The following UNC5A variants were observed in gnomAD, a reference collection of about 807,000 sequenced individuals.
UNC5A encodes the protein unc-5 netrin receptor A, also known as netrin receptor UNC5A.
Under a neutral mutation model 87.4 loss-of-function variants are expected in UNC5A, and 20 were observed. The ratio of observed to expected loss-of-function variants is 0.23; its 90% confidence interval spans 0.16 to 0.33. The LOEUF is 0.33. UNC5A is among the 10% of genes least tolerant of loss of function. UNC5A has a pLI of 1.00. For missense variants in UNC5A, 844 were observed against 1,133.4 expected (o/e 0.74, Z 3.67); for synonymous variants, 438 against 482.3 (o/e 0.91, Z 1.20).
chr5:176,844,797 C>T lies in UNC5A; in HGVS notation c.71-17827C>T, dbSNP rs530942901. Among the ~76,000 whole-genome samples the T allele has an allele frequency of 1.3e-5, 2 of 152,316 alleles. No homozygotes were observed. The highest frequency in any genetic ancestry group is 1.3e-4 in the Admixed American group (2 of 15,304). Reference sequence around the variant, plus strand: ...GGCCCAATCACTCACCCCGAGACCCCTCTCCACCCTCCAGCACTGCTTGCA... The same window carrying T: ...GGCCCAATCACTCACCCCGAGACCCTTCTCCACCCTCCAGCACTGCTTGCA... On this transcript the variant is annotated intron_variant, in intron 1 of 14. Transcript: ENST00000329542. The surrounding 1 kb of genome is among the most constrained non-coding windows in gnomAD (Gnocchi z 4.2).
At chr5:176,822,979 T>C (rs1384352421) in intron 1 of UNC5A, among the ~76,000 whole-genome samples, 1 of 151,904 alleles carries the variant, frequency 6.6e-6, no homozygotes, top group Admixed American at 6.6e-5. Context: ...AAGATTAATC[T>C]GGCAGCCCAT....
intron 1 of UNC5A, among the ~76,000 whole-genome samples, chr5:176,835,712 G>A (rs1433038068): frequency 6.9e-6 from 1 of 145,200 alleles, no homozygotes; most frequent in African/African-American, 2.6e-5. Context: ...TGTGCAAATG[G>A]ATGCCTTTGA....
intron 1 of UNC5A, among the ~76,000 whole-genome samples, chr5:176,837,377 G>T (rs941212628): frequency 1.3e-4 from 20 of 152,192 alleles, no homozygotes; most frequent in South Asian, 6.2e-4. Flanking sequence ...TTGGCTTGCA[G>T]CCTCTCTCTC....
At chr5:176,846,853 C>T (rs1218970390) in intron 1 of UNC5A, among the ~76,000 whole-genome samples, 2 of 152,140 alleles carry the variant, frequency 1.3e-5, no homozygotes, top group Admixed American at 6.5e-5. Flanking sequence ...TGAATTGGCC[C>T]AGAAGGAGGT....
In UNC5A at chr5:176,880,756, T is replaced by C. The variant is rs77402583; in HGVS notation, c.*870T>C. 0.044 allele frequency: 9,922 copies of C among 227,424 alleles called. 1,020 individuals are homozygous for C. The highest frequency in any genetic ancestry group is 0.21 in the African/African-American group (9,272 of 43,444). 14.1% of individuals were successfully genotyped at this position (227,424 alleles called of 1,614,324 possible). On this transcript the variant is annotated 3_prime_UTR_variant, in exon 15 of 15. Transcript: ENST00000329542. ...CTGGTGCCCCACGCGGGGCCTGTCA[T>C]GTGAAGCTCGTGTCCTGACTTTGTC...
intron 1 of UNC5A, among the ~76,000 whole-genome samples, chr5:176,862,210 G>A (rs11958945): frequency 1.2e-3 from 185 of 152,306 alleles, no homozygotes; most frequent in Non-Finnish European, 2.0e-3. Context: ...CCACTGGCCA[G>A]GGCTGCTCCC....
chr5:176,874,353 AGCCCCAAGTTCCAG>A lies in UNC5A; in HGVS notation c.1166_1179del (p.Ser389ThrfsTer25). On this transcript the variant is annotated frameshift_variant, in exon 8 of 15. Transcript: ENST00000329542. LOFTEE classifies it high-confidence loss of function. The surrounding 1 kb of genome is among the most constrained non-coding windows in gnomAD (Gnocchi z 7.6). ...TCTCTGTCCCCGGCAGGATGGGCCC[AGCCCCAAGTTCCAG>A]CTCACCAATGGGCACCTGCTCAGCC... 1 of 1,613,558 alleles carries A rather than the reference AGCCCCAAGTTCCAG, an allele frequency of 6.2e-7. No individual in the cohort carries two copies. The highest frequency in any genetic ancestry group is 8.5e-7 in the Non-Finnish European group (1 of 1,179,900).
intron 1 of UNC5A, among the ~76,000 whole-genome samples, chr5:176,828,371 G>T (rs1439423896): frequency 6.6e-6 from 1 of 152,078 alleles, no homozygotes; most frequent in Non-Finnish European, 1.5e-5. Flanking sequence ...GTCACTCATG[G>T]CATCAGTGTG....
chr5:176,823,175 TG>T (rs137867111), intron 1 of UNC5A, among the ~76,000 whole-genome samples: 627 of 26,874 alleles, frequency 0.023, 5 homozygotes, highest in African/African-American at 0.083. Flanking sequence ...ATGCTGCATG[TG>T]GGGGGGCGAG....
At chr5:176,815,838 C>G (rs1207975872) in intron 1 of UNC5A, among the ~76,000 whole-genome samples, 1 of 152,166 alleles carries the variant, frequency 6.6e-6, no homozygotes, top group Non-Finnish European at 1.5e-5. Context: ...CATACACCAC[C>G]CACTGCAGGG....
Position 176,817,598 on chromosome 5 carries a change from A to T in UNC5A, c.70+6778A>T, listed in dbSNP as rs551169628. Among the ~76,000 whole-genome samples the T allele has an allele frequency of 4.2e-3, 603 of 142,564 alleles. 4 individuals carry two copies. The highest frequency in any genetic ancestry group is 0.016 in the African/African-American group (559 of 35,890). 93.5% of individuals were successfully genotyped at this position (142,564 alleles called of 152,430 possible). On this transcript the variant is annotated intron_variant, in intron 1 of 14. Transcript: ENST00000329542. Reference sequence around the variant, plus strand: ...CCCCTCCCCACCCCCGCCCAAACAAATGTGCCCGTCACTGGCGGGTAGCAG... The same window carrying T: ...CCCCTCCCCACCCCCGCCCAAACAATTGTGCCCGTCACTGGCGGGTAGCAG...
rs1208214029 is a variant in UNC5A, at chr5:176,869,648, C to T, written c.721+684C>T. 11 of 699,926 alleles carry T rather than the reference C, an allele frequency of 1.6e-5. No homozygotes were observed. Among genetic ancestry groups the T allele is most frequent in the Admixed American group, 4.0e-5 (2 of 49,834 alleles). 43.4% of individuals were successfully genotyped at this position (699,926 alleles called of 1,614,324 possible). ...GGTGGTCGACGTGGACCGAGTGGTC[C>T]GTCTGCAGCGCCAGCTGTGGGCGCG... On this transcript the variant is annotated intron_variant, in intron 5 of 14. Coordinates refer to ENST00000329542, the MANE Select transcript of UNC5A (RefSeq NM_133369.3). This position sits in a 1 kb window ranked among gnomAD's most constrained non-coding sequence, Gnocchi z 9.1.
At chr5:176,870,335 C>T in intron 5 of UNC5A, 35 bp from the exon 6 acceptor site, 1 of 1,604,946 alleles carries the variant, frequency 6.2e-7, no homozygotes. Flanking sequence ...CCCAGGCTGA[C>T]CGCACCGTCT....
intron 1 of UNC5A, among the ~76,000 whole-genome samples, chr5:176,831,661 A>C (rs1013269315): frequency 2.6e-5 from 4 of 152,074 alleles, no homozygotes; most frequent in African/African-American, 9.7e-5. Flanking sequence ...CCCCATAAGC[A>C]CAGTGACCTC....
At chr5:176,839,704 C>T (rs1215189046) in intron 1 of UNC5A, among the ~76,000 whole-genome samples, 2 of 151,892 alleles carry the variant, frequency 1.3e-5, no homozygotes, top group African/African-American at 4.8e-5. Flanking sequence ...AGTGGAGGCG[C>T]TCTGGGGAGG....
At chr5:176,860,596 G>A (rs1383159143) in intron 1 of UNC5A, among the ~76,000 whole-genome samples, 1 of 152,068 alleles carries the variant, frequency 6.6e-6, no homozygotes, top group Non-Finnish European at 1.5e-5. Context: ...GGAGGCTCTG[G>A]GGTAAGGGAC....
In UNC5A at chr5:176,866,826, G is replaced by C. The variant is rs1216287172; in HGVS notation, c.293-1304G>C. On this transcript the variant is annotated intron_variant, in intron 2 of 14. Coordinates refer to ENST00000329542, the MANE Select transcript of UNC5A (RefSeq NM_133369.3). This position sits in a 1 kb window ranked among gnomAD's most constrained non-coding sequence, Gnocchi z 5.0. ...CCACACTGGGTGTCTTAGAGAACGG[G>C]GCAGGTGGTGCCCAGAACGGAGGGA... 6.6e-6 allele frequency among the ~76,000 whole-genome samples: 1 copy of C among 152,178 alleles called. No homozygotes were observed. Among genetic ancestry groups the C allele is most frequent in the African/African-American group, 2.4e-5 (1 of 41,434 alleles).
At chr5:176,816,755 G>A (rs1561636696) in intron 1 of UNC5A, among the ~76,000 whole-genome samples, 1 of 152,258 alleles carries the variant, frequency 6.6e-6, no homozygotes, top group African/African-American at 2.4e-5. Context: ...GCACATAGTG[G>A]GCACTCAATA....
Position 176,877,536 on chromosome 5 carries a change from T to C in UNC5A, c.1468T>C (p.Leu490=). 1 of 1,587,800 alleles carries C rather than the reference T, an allele frequency of 6.3e-7. No homozygotes were observed. The highest frequency in any genetic ancestry group is 2.3e-5 in the East Asian group (1 of 44,368). ...LTLHKPEDVR[L]PLAGCQTLLS... ...CCCACCCATATTTCCCCACTTGAGG[T>C]TGCCCCTAGCTGGCTGTCAGACCCT... Residue 490 remains leucine, a splice_region_variant and synonymous_variant, in exon 10 of 15, where the codon TTG becomes CTG. Transcript: ENST00000329542.
Sources: gnomAD v4.1 joint callset for allele counts (sites outside exome capture counted in the v4.1 genomes callset) on GRCh38, gnomAD v4.1.1 for gene constraint, Gnocchi (gnomAD v3.1) non-coding constraint, MANE v1.5 for transcripts, NCBI Gene and HGNC (gene_info 2026-07-23, HGNC 2026-07-21) for gene names.